Variants in PPFIA2 observed in about 807,000 individuals in gnomAD.
PPFIA2 encodes the protein PPFI scaffold protein A2.
In PPFIA2, 46 loss-of-function variants were observed where a neutral mutation model predicts 175.5. That is an observed-to-expected ratio of 0.26 (90% CI 0.21 to 0.34). The LOEUF is 0.34. PPFIA2 is among the 10% of genes least tolerant of loss of function. PPFIA2 has a pLI of 1.00. For missense variants in PPFIA2, 1,179 were observed against 1,506.1 expected, an observed-to-expected ratio of 0.78 and a Z score of 3.60; for synonymous variants, 568 against 511.4, an observed-to-expected ratio of 1.11 and a Z score of -1.49.
At chr12:81,376,629 A>C (rs2036427744) in intron 9 of PPFIA2, among the ~76,000 whole-genome samples, 1 of 152,206 alleles carries the variant, frequency 6.6e-6, no homozygotes, top group African/African-American at 2.4e-5. Context: ...GAATTTATAG[A>C]TAGTAATATG....
intron 4 of PPFIA2, among the ~76,000 whole-genome samples, chr12:81,526,928 T>TA (rs146991405): frequency 0.02 from 3,094 of 152,190 alleles, 112 homozygotes; most frequent in African/African-American, 0.071. Context: ...ACCTAAAAGT[T>TA]AAAATACAGA....
intron 9 of PPFIA2, among the ~76,000 whole-genome samples, chr12:81,379,591 T>C (rs186566950): frequency 1.9e-4 from 29 of 152,272 alleles, no homozygotes; most frequent in Non-Finnish European, 2.8e-4. Context: ...ACACAATTAA[T>C]AATCCTTTTG....
intron 22 of PPFIA2, among the ~76,000 whole-genome samples, chr12:81,313,803 A>C (rs2051589072): frequency 6.6e-6 from 1 of 152,086 alleles, no homozygotes; most frequent in South Asian, 2.1e-4. Flanking sequence ...CTATCTAGGA[A>C]TCACTTCCCT....
Position 81,277,415 on chromosome 12 carries a change from CTTTT to C in PPFIA2, c.3213-5_3213-2del. 1 of 1,243,176 alleles carries C rather than the reference CTTTT, an allele frequency of 8.0e-7. No homozygotes were observed. The highest frequency in any genetic ancestry group is 3.2e-5 in the East Asian group (1 of 31,346). The allele number at this position is 1,243,176 out of a possible 1,614,324, so 77.0% of individuals were successfully genotyped here. A position where few individuals can be genotyped will look rare whatever the true frequency, so the allele number is the denominator to read the frequency against. On this transcript the variant is annotated splice_acceptor_variant and splice_polypyrimidine_tract_variant and intron_variant, in intron 27 of 32. Coordinates refer to ENST00000549396, the MANE Select transcript of PPFIA2 (RefSeq NM_003625.5). LOFTEE classifies it high-confidence loss of function. ...CATAATTCCATATTGTAAACTTGTT[CTTTT>C]TTTTTTATTAAAAAAAAAAAAACAC...
At chr12:81,624,581 A>C (rs1375955667) in intron 4 of PPFIA2, among the ~76,000 whole-genome samples, 1 of 146,008 alleles carries the variant, frequency 6.8e-6, no homozygotes, top group Non-Finnish European at 1.5e-5. Flanking sequence ...ACCTGGACAA[A>C]TATATATATA....
At chr12:81,547,602 C>T (rs1401842538) in intron 4 of PPFIA2, among the ~76,000 whole-genome samples, 3 of 151,880 alleles carry the variant, frequency 2.0e-5, no homozygotes, top group Non-Finnish European at 4.4e-5. Flanking sequence ...CTCGAACTTA[C>T]TGACTAAGTT....
intron 22 of PPFIA2, among the ~76,000 whole-genome samples, chr12:81,320,148 A>G (rs2053337725): frequency 6.6e-6 from 1 of 152,036 alleles, no homozygotes; most frequent in African/African-American, 2.4e-5. Context: ...TATTTTCCAT[A>G]TCATTTATTT....
chr12:81,530,115 C>T (rs150101481), intron 4 of PPFIA2, among the ~76,000 whole-genome samples: 1 of 151,930 alleles, frequency 6.6e-6, no homozygotes, highest in South Asian at 2.1e-4. Context: ...TTTATTGGAA[C>T]ACAGCCATGA....
chr12:81,752,996 G>A (rs868220467), intron 3 of PPFIA2, among the ~76,000 whole-genome samples: 36 of 150,458 alleles, frequency 2.4e-4, no homozygotes, highest in African/African-American at 6.9e-4. Context: ...GTGCAGTGGC[G>A]TGATCTTGGC....
At chr12:81,611,896 G>T (rs538477648) in intron 4 of PPFIA2, among the ~76,000 whole-genome samples, 2 of 152,190 alleles carry the variant, frequency 1.3e-5, no homozygotes, top group East Asian at 3.9e-4. Context: ...TAAGTTCCCA[G>T]AGGTCCATGG....
intron 22 of PPFIA2, chr12:81,312,141 C>T (rs1335890530): frequency 6.5e-7 from 1 of 1,534,136 alleles, no homozygotes; most frequent in Admixed American, 2.0e-5. Context: ...TGTTCAGCAG[C>T]CATTGTGATT....
intron 22 of PPFIA2, chr12:81,302,146 G>T (rs575283144): frequency 8.1e-5 from 33 of 407,338 alleles, no homozygotes; most frequent in African/African-American, 6.7e-4. Flanking sequence ...GTCCTATAAT[G>T]TTTTGTTTTT....
intron 11 of PPFIA2, among the ~76,000 whole-genome samples, chr12:81,371,475 C>T (rs533825809): frequency 6.6e-6 from 1 of 151,530 alleles, no homozygotes; most frequent in South Asian, 2.1e-4. Context: ...TTTCAGCTGC[C>T]AAAACTGTGT....
chr12:81,585,661 C>T (rs2075201844), intron 4 of PPFIA2, among the ~76,000 whole-genome samples: 2 of 151,812 alleles, frequency 1.3e-5, no homozygotes, highest in Admixed American at 6.6e-5. Flanking sequence ...GAGCTGTCAC[C>T]ACCTATGATA....
intron 4 of PPFIA2, among the ~76,000 whole-genome samples, chr12:81,657,557 C>T (rs1434635650): frequency 6.6e-6 from 1 of 152,104 alleles, no homozygotes; most frequent in Non-Finnish European, 1.5e-5. Flanking sequence ...GGCTATTAGG[C>T]TACACAGTCA....
intron 4 of PPFIA2, among the ~76,000 whole-genome samples, chr12:81,610,795 T>C (rs2060818094): frequency 6.6e-6 from 1 of 152,162 alleles, no homozygotes; most frequent in African/African-American, 2.4e-5. Context: ...GGGGATACTG[T>C]CTTTTTGAAT....
At position 81,572,214 on chromosome 12, in the gene PPFIA2, G is replaced by A. The variant is rs533779050; in HGVS notation, c.303+104577C>T. ...TCCTAATCTCCCTACTTCTATCCCT[G>A]CTCTGACACACAATCTGCTTGACCC... On this transcript the variant is annotated intron_variant, in intron 4 of 32. Coordinates refer to ENST00000549396, the MANE Select transcript of PPFIA2 (RefSeq NM_003625.5). Among the ~76,000 whole-genome samples, 13 of 151,892 alleles carry A rather than the reference G, an allele frequency of 8.6e-5. 1 individual carries two copies. Among genetic ancestry groups the A allele is most frequent in the African/African-American group, 3.1e-4 (13 of 41,476 alleles).
chr12:81,273,440 C>T (rs1448076997), intron 28 of PPFIA2, among the ~76,000 whole-genome samples: 1 of 152,094 alleles, frequency 6.6e-6, no homozygotes, highest in African/African-American at 2.4e-5. Context: ...CAAGTCTTGT[C>T]CCTCTTAATT....
intron 28 of PPFIA2, among the ~76,000 whole-genome samples, chr12:81,272,442 ACT>A (rs931893709): frequency 6.6e-6 from 1 of 152,000 alleles, no homozygotes; most frequent in African/African-American, 2.4e-5. Context: ...ATTTCACTAA[ACT>A]CTCTTCTACT....
Sources: allele counts gnomAD v4.1 joint callset (sites outside exome capture counted in the v4.1 genomes callset), GRCh38; gene constraint gnomAD v4.1.1; transcripts MANE v1.5; gene names NCBI Gene and HGNC (gene_info 2026-07-23, HGNC 2026-07-21).